The following PLXNB1 variants were observed in gnomAD, a reference collection of about 807,000 sequenced individuals.
PLXNB1 encodes the protein plexin-B1.
In PLXNB1, 106 loss-of-function variants were observed where a neutral mutation model predicts 209.4. The observed-to-expected ratio is 0.51, with a 90% CI of 0.43 to 0.59. The LOEUF (loss-of-function observed/expected upper bound fraction) is 0.59, where lower values mean the gene tolerates loss of function less well. Ranked by LOEUF, PLXNB1 falls within the 20% of genes least tolerant of loss-of-function variation. The probability of loss-of-function intolerance (pLI) is 0.00; values close to 1 mark genes in which losing one functional copy is unlikely to be tolerated. For synonymous variants in PLXNB1, 1,167 were observed against 1,183.2 expected (o/e 0.99, Z 0.28); for missense variants, 2,357 against 2,853.2 (o/e 0.83, Z 3.96).
At chr3:48,412,657 G>A (rs766970848) in intron 25 of PLXNB1, 37 bp from the exon 26 acceptor site, 3 of 1,608,226 alleles carry the variant, frequency 1.9e-6, no homozygotes, top group East Asian at 2.2e-5. Flanking sequence ...AAGGGGTTTA[G>A]GGGGACAGAG....
At position 48,429,426 on chromosome 3, in the gene PLXNB1, C is replaced by G. The variant is rs999241553; in HGVS notation, c.-60+582G>C. On this transcript the variant is annotated intron_variant, in intron 1 of 37. Transcript: ENST00000296440. This position sits in a 1 kb window ranked among gnomAD's most constrained non-coding sequence, Gnocchi z 6.4. ...CGCCCCTCCCGCGCGGCGCTGCCAC[C>G]GCCGGGAACAAAGGAGACAAAGCCG... 2.0e-5 allele frequency: 3 copies of G among 151,340 alleles called. No individual in the cohort carries two copies. The highest frequency in any genetic ancestry group is 4.4e-5 in the Non-Finnish European group (3 of 67,744). The allele number at this position is 151,340 out of a possible 1,614,324, so 9.4% of individuals were successfully genotyped here. A position where few individuals can be genotyped will look rare whatever the true frequency, so the allele number is the denominator to read the frequency against.
In PLXNB1 at chr3:48,424,002, C is replaced by T; in HGVS notation, c.610G>A (p.Ala204Thr). ...GAGAGGCGGCCCACTGCCAGCTTGGCTGTCTCCTCATAGGAGAAGGCAGCT... is the reference window on the plus strand; with the variant it reads ...GAGAGGCGGCCCACTGCCAGCTTGGTTGTCTCCTCATAGGAGAAGGCAGCT... ...PQAAFSYEET[A>T]KLAVGRLSEY... The change falls in exon 3 of 38, where the codon GCC becomes ACC. Residue 204 changes from alanine (A) to threonine (T), a missense_variant. Ala to Thr is a moderately conservative substitution (Grantham distance 58). This residue lies in a region of PLXNB1 where 404 missense variants were observed against 443.6 expected (regional missense o/e 0.91). Coordinates refer to ENST00000296440, the MANE Select transcript of PLXNB1 (RefSeq NM_001130082.3). 1 of 1,612,810 alleles carries T rather than the reference C, an allele frequency of 6.2e-7. No homozygotes were observed. The highest frequency in any genetic ancestry group is 8.5e-7 in the Non-Finnish European group (1 of 1,179,502).
intron 4 of PLXNB1, 84 bp from the exon 5 acceptor site, chr3:48,422,543 A>C (rs2038602536): frequency 6.2e-6 from 9 of 1,440,066 alleles, no homozygotes; most frequent in Non-Finnish European, 8.3e-6. Context: ...AATCGAAGTA[A>C]TTTACAAATA....
At position 48,405,576 on chromosome 3, in the gene PLXNB1, C is replaced by T; in HGVS notation, c.6303+148G>A. On this transcript the variant is annotated intron_variant, in intron 37 of 37. Transcript: ENST00000296440. This position sits in a 1 kb window ranked among gnomAD's most constrained non-coding sequence, Gnocchi z 5.0. Reference sequence around the variant, plus strand: ...TGCCAGGAAGCCCGCCTGGAAAACACTTCTCAAGCCACCAAGGGGCCCGGC... The same window carrying T: ...TGCCAGGAAGCCCGCCTGGAAAACATTTCTCAAGCCACCAAGGGGCCCGGC... The T allele has an allele frequency of 1.6e-6, 1 of 619,680 alleles. No individual in the cohort carries two copies. 38.4% of individuals were successfully genotyped at this position (619,680 alleles called of 1,614,324 possible).
intron 1 of PLXNB1, among the ~76,000 whole-genome samples, chr3:48,428,536 G>T (rs1263677942): frequency 1.3e-5 from 2 of 152,088 alleles, no homozygotes; most frequent in Non-Finnish European, 2.9e-5. Context: ...CACAAACCCC[G>T]CCATTCCGCA....
rs1483657540 is a variant in PLXNB1, at chr3:48,418,493, C to T, written c.3005G>A (p.Arg1002His). 2 of 1,612,094 alleles carry T rather than the reference C, an allele frequency of 1.2e-6. No homozygotes were observed. The highest frequency in any genetic ancestry group is 1.7e-5 in the Admixed American group (1 of 59,832). Residue 1002 changes from arginine to histidine, a missense_variant, in exon 14 of 38, where the codon CGT (arginine) becomes CAT (histidine). Transcript: ENST00000296440. The surrounding 1 kb of genome is among the most constrained non-coding windows in gnomAD (Gnocchi z 6.6). ...GTCCACACGCAGACGGCCGGCCCGA[C>T]GCAGAAACAGCCCCACACGGAGCTC... ...QPELRVGLFL[R>H]RAGRLRVDSA...
rs764278536 is a variant in PLXNB1, at chr3:48,412,934, G to A, written c.4662C>T (p.Leu1554=). 17 of 1,614,058 alleles carry A rather than the reference G, an allele frequency of 1.1e-5. No homozygotes were observed. Among genetic ancestry groups the A allele is most frequent in the Non-Finnish European group, 1.4e-5 (17 of 1,180,034 alleles). Residue 1554 remains leucine (L), a synonymous_variant, in exon 25 of 38, where the codon CTC becomes CTT. Transcript: ENST00000296440. ...TGCCGCTGCCCAGGAGGTCACTGGT[G>A]AGATCGGTCATCTCAGTCATGAGGT... ...FTDLMTEMTD[L]TSDLLGSGIP...
Position 48,412,445 on chromosome 3 carries a change from C to T in PLXNB1, c.5030G>A (p.Arg1677His), listed in dbSNP as rs751201220. The T allele has an allele frequency of 1.2e-6, 2 of 1,613,484 alleles. No homozygotes were observed. Among genetic ancestry groups the T allele is most frequent in the Non-Finnish European group, 1.7e-6 (2 of 1,179,992 alleles). ...CAGCCCCAACAGCCACACAGACCTGCGCAGCATCAGCTTGGGGTTCTTGGC... is the reference window on the plus strand; with the variant it reads ...CAGCCCCAACAGCCACACAGACCTGTGCAGCATCAGCTTGGGGTTCTTGGC... ...YVAKNPKLML[R>H]RTETVVEKLL... Residue 1677 changes from arginine (R) to histidine (H), a missense_variant, in exon 26 of 38, where the codon CGC (arginine) becomes CAC (histidine). Arg to His is a conservative substitution (Grantham distance 29). Transcript: ENST00000296440.
rs13433990 is a variant in PLXNB1 at position 48,418,819 on chromosome 3, C to T, written c.2955+98G>A. On this transcript the variant is annotated intron_variant, in intron 13 of 37. Transcript: ENST00000296440. This position sits in a 1 kb window ranked among gnomAD's most constrained non-coding sequence, Gnocchi z 6.6. ...CTCCCTCAGGGCGACACGGTCAGAG[C>T]GTGGCTCTGGAAAGTGTGGTGCAGC... 4.1e-4 allele frequency: 597 copies of T among 1,469,022 alleles called. 1 individual carries two copies. In the African/African-American group the frequency reaches 7.1e-3, roughly 17 times the overall value. The allele number at this position is 1,469,022 out of a possible 1,614,324, so 91.0% of individuals were successfully genotyped here.
At chr3:48,424,914 G>A (rs1016962244) in intron 2 of PLXNB1, among the ~76,000 whole-genome samples, 1 of 152,156 alleles carries the variant, frequency 6.6e-6, no homozygotes, top group Non-Finnish European at 1.5e-5. Flanking sequence ...AGAGGGTGAG[G>A]GGCTGAGAGG....
Position 48,415,842 on chromosome 3 carries a change from C to T in PLXNB1, c.3618-83G>A, listed in dbSNP as rs1010504242. ...CAGGCCCCAACTGGCTTCCCTCAAG[C>T]GCTGACTGCAGTCTCCACCAGGTGT... On this transcript the variant is annotated intron_variant, in intron 18 of 37. Transcript: ENST00000296440. The surrounding 1 kb of genome is among the most constrained non-coding windows in gnomAD (Gnocchi z 5.0). 4.5e-5 allele frequency: 63 copies of T among 1,408,052 alleles called. No individual in the cohort carries two copies. In the Middle Eastern group the frequency reaches 1.9e-3, roughly 43 times the overall value. The allele number at this position is 1,408,052 out of a possible 1,614,324, so 87.2% of individuals were successfully genotyped here.
chr3:48,407,233 C>T (rs1027389574), intron 34 of PLXNB1, 142 bp from the exon 35 acceptor site: 2 of 736,828 alleles, frequency 2.7e-6, no homozygotes, highest in African/African-American at 1.8e-5. Flanking sequence ...CCCTGAGTCC[C>T]GGAAAACCAG....
rs1462081721 is a variant in PLXNB1 at position 48,420,074 on chromosome 3, G to T, written c.2212C>A (p.Pro738Thr). ...GATATGGAGCCAGAACCTGCCCATG[G>T]CCCCCAGGGGCTGAGCAGGGAAGGA... The part of the protein sequence containing the change: ...ASPSLLSPWG[P>T]WAGSGSISSP... Residue 738 changes from proline to threonine, a missense_variant, in exon 11 of 38, where the codon CCA (proline) becomes ACA (threonine). Transcript: ENST00000296440. 1 of 1,613,444 alleles carries T rather than the reference G, an allele frequency of 6.2e-7. No homozygotes were observed. The highest frequency in any genetic ancestry group is 8.5e-7 in the Non-Finnish European group (1 of 1,179,866).
chr3:48,409,800 C>T lies in PLXNB1; in HGVS notation c.5779-69G>A. ...CTCAGCAGCAGCCCAGCCTCAGACA[C>T]CCCCCGGCACTGTGCCTGCACGAGC... On this transcript the variant is annotated intron_variant, in intron 32 of 37. Coordinates refer to ENST00000296440, the MANE Select transcript of PLXNB1 (RefSeq NM_001130082.3). This position sits in a 1 kb window ranked among gnomAD's most constrained non-coding sequence, Gnocchi z 5.8. The T allele has an allele frequency of 6.4e-7, 1 of 1,571,768 alleles. No homozygotes were observed. The highest frequency in any genetic ancestry group is 2.2e-5 in the East Asian group (1 of 44,452).
In PLXNB1 at chr3:48,423,730, A is replaced by C. The variant is rs888686807; in HGVS notation, c.882T>G (p.Phe294Leu). The C allele has an allele frequency of 3.1e-6, 5 of 1,613,694 alleles. No individual in the cohort carries two copies. The Admixed American group carries it at 6.7e-5, about 22-fold the overall frequency. Residue 294 changes from phenylalanine to leucine, a missense_variant, in exon 3 of 38, where the codon TTT becomes TTG. Physicochemically the swap from Phe to Leu is conservative, Grantham distance 22. Coordinates refer to ENST00000296440, the MANE Select transcript of PLXNB1 (RefSeq NM_001130082.3). ...GGGGTGCAGCCGAGGAGAAAGCTGCAAAGAGCACCTCCCCATGCGCCACCT... is the reference window on the plus strand; with the variant it reads ...GGGGTGCAGCCGAGGAGAAAGCTGCCAAGAGCACCTCCCCATGCGCCACCT... Reference protein sequence around the residue: ...SREVAHGEVLFAAFSSAAPPT... With the variant: ...SREVAHGEVLLAAFSSAAPPT...
At position 48,406,968 on chromosome 3, in the gene PLXNB1, AC is replaced by A. The variant is rs1328604776; in HGVS notation, c.6152+58del. 3.1e-6 allele frequency: 5 copies of A among 1,607,308 alleles called. No homozygotes were observed. The highest frequency in any genetic ancestry group is 2.2e-5 in the East Asian group (1 of 44,818). The stretch of plus-strand genomic sequence containing the variant: ...ACTCCCCTGCTCCCAACCAGAGCCC[AC>A]CCCCCAAGCCTCAGCTGCACACGCC... On this transcript the variant is annotated intron_variant, in intron 35 of 37. Coordinates refer to ENST00000296440, the MANE Select transcript of PLXNB1 (RefSeq NM_001130082.3). The surrounding 1 kb of genome is among the most constrained non-coding windows in gnomAD (Gnocchi z 4.4).
rs201356451 is a variant in PLXNB1 at position 48,411,011 on chromosome 3, C to T, written c.5273G>A (p.Gly1758Glu). The change falls in exon 29 of 38, where the codon GGG (glycine) becomes GAG (glutamate). Residue 1758 changes from glycine to glutamate, a missense_variant. Physicochemically the swap from Gly to Glu is moderately conservative, Grantham distance 98. Transcript: ENST00000296440. The surrounding 1 kb of genome is among the most constrained non-coding windows in gnomAD (Gnocchi z 4.0). Reference protein sequence around the residue: ...PLTLNALLAVGPGAGEAQGVP... With the variant: ...PLTLNALLAVEPGAGEAQGVP... The stretch of plus-strand genomic sequence containing the variant: ...GCCCTGGGCCTCTCCTGCCCCAGGC[C>T]CCACAGCCAATAGTGCATTCAAGGT... 2.4e-5 allele frequency: 38 copies of T among 1,613,642 alleles called. No individual in the cohort carries two copies. The Admixed American group carries it at 4.5e-4, about 19-fold the overall frequency.
At position 48,418,355 on chromosome 3, in the gene PLXNB1, A is replaced by G; in HGVS notation, c.3058T>C (p.Tyr1020His). The G allele has an allele frequency of 1.2e-6, 2 of 1,613,674 alleles. No homozygotes were observed. Among genetic ancestry groups the G allele is most frequent in the Non-Finnish European group, 1.7e-6 (2 of 1,180,030 alleles). The change falls in exon 15 of 38, where the codon TAT (tyrosine) becomes CAT (histidine). Residue 1020 changes from tyrosine to histidine, a missense_variant. Transcript: ENST00000296440. This position sits in a 1 kb window ranked among gnomAD's most constrained non-coding sequence, Gnocchi z 6.6. ...TCTCCATGTCCCACGGAACAGTCATACAGTACCACTGGGGGTGGCAGAGAC... is the reference window on the plus strand; with the variant it reads ...TCTCCATGTCCCACGGAACAGTCATGCAGTACCACTGGGGGTGGCAGAGAC... The part of the protein sequence containing the change: ...DSAEGLHVVL[Y>H]DCSVGHGDCS...
intron 1 of PLXNB1, among the ~76,000 whole-genome samples, chr3:48,427,643 A>G (rs1417323382): frequency 1.3e-5 from 2 of 151,980 alleles, no homozygotes; most frequent in East Asian, 3.9e-4. Context: ...GTGCTCCCCC[A>G]CACATGCCCT....
Sources: gnomAD v4.1 joint callset for allele counts (sites outside exome capture counted in the v4.1 genomes callset) on GRCh38, gnomAD v4.1.1 for gene constraint, gnomAD v4.1.1 regional missense constraint, Gnocchi (gnomAD v3.1) non-coding constraint, MANE v1.5 for transcripts, NCBI Gene and HGNC (gene_info 2026-07-23, HGNC 2026-07-21) for gene names.